Variants in TBC1D1 observed in about 807,000 individuals in gnomAD.
TBC1D1 encodes TBC1 domain family member 1.
In TBC1D1, 89 loss-of-function variants were observed where a neutral mutation model predicts 125.6. The observed-to-expected ratio is 0.71, with a 90% CI of 0.60 to 0.85. The LOEUF (loss-of-function observed/expected upper bound fraction) is 0.85, where lower values mean the gene tolerates loss of function less well. Among genes scored for constraint, TBC1D1 ranks in the 40% least tolerant of loss-of-function variants. TBC1D1 has a pLI of 0.00. For synonymous variants in TBC1D1, 565 were observed against 564.1 expected, an observed-to-expected ratio of 1.00 and a Z score of -0.02; for missense variants, 1,377 against 1,469.2, an observed-to-expected ratio of 0.94 and a Z score of 1.03.
At chr4:38,011,245 C>T (rs1741417319) in intron 2 of TBC1D1, among the ~76,000 whole-genome samples, 4 of 150,838 alleles carry the variant, frequency 2.7e-5, no homozygotes, top group African/African-American at 9.8e-5. Context: ...CCTAGCTACT[C>T]GGGAGGCTGA....
At chr4:37,899,647 G>T (rs562320542) in intron 1 of TBC1D1, among the ~76,000 whole-genome samples, 1 of 152,354 alleles carries the variant, frequency 6.6e-6, no homozygotes, top group African/African-American at 2.4e-5. Context: ...GAAGTCAGCT[G>T]CTGTCATCAG....
At chr4:38,096,441 GT>G (rs1759359989) in intron 14 of TBC1D1, among the ~76,000 whole-genome samples, 1 of 152,242 alleles carries the variant, frequency 6.6e-6, no homozygotes, top group Non-Finnish European at 1.5e-5. Flanking sequence ...ACAACATAGT[GT>G]GGGGAGCACA....
At chr4:38,005,071 C>T (rs921342075) in intron 2 of TBC1D1, among the ~76,000 whole-genome samples, 5 of 152,130 alleles carry the variant, frequency 3.3e-5, no homozygotes, top group African/African-American at 1.2e-4. Context: ...CAGCCGTAAC[C>T]GTCTTGCATC....
intron 18 of TBC1D1, among the ~76,000 whole-genome samples, chr4:38,125,644 G>C (rs933203836): frequency 1.3e-5 from 2 of 152,006 alleles, no homozygotes; most frequent in Non-Finnish European, 2.9e-5. Flanking sequence ...AATATCTGTG[G>C]CTTCATTACC....
intron 1 of TBC1D1, among the ~76,000 whole-genome samples, chr4:37,894,074 C>T (rs940718476): frequency 1.8e-4 from 28 of 151,576 alleles, no homozygotes; most frequent in Non-Finnish European, 2.9e-4. Context: ...CTGCAACCTC[C>T]GCCTCCTGGG....
intron 2 of TBC1D1, among the ~76,000 whole-genome samples, chr4:37,960,128 C>T (rs2890554): frequency 0.7 from 107,160 of 152,076 alleles, 38,082 homozygotes; most frequent in East Asian, 0.96. Context: ...TGGTTTTTGA[C>T]CATTTAACAA....
rs1290548693 is a variant in TBC1D1 at position 37,995,906 on chromosome 4, C to T, written c.418-18603C>T. ...CTTCTGGCTTAACCATGGCAAGCAG[C>T]GACAGGACCTTCTCATTCCCAGGGA... On this transcript the variant is annotated intron_variant, in intron 2 of 19. Transcript: ENST00000261439. This position sits in a 1 kb window ranked among gnomAD's most constrained non-coding sequence, Gnocchi z 4.3. 3.1e-5 allele frequency: 18 copies of T among 580,912 alleles called. 1 individual carries two copies. In the Middle Eastern group the frequency reaches 1.1e-3, roughly 35 times the overall value. The allele number at this position is 580,912 out of a possible 1,614,324, so 36.0% of individuals were successfully genotyped here.
chr4:38,072,429 G>A (rs1240373028), intron 12 of TBC1D1, among the ~76,000 whole-genome samples: 1 of 152,052 alleles, frequency 6.6e-6, no homozygotes, highest in African/African-American at 2.4e-5. Flanking sequence ...TGTTTTCTTG[G>A]TATGTCATGA....
intron 9 of TBC1D1, among the ~76,000 whole-genome samples, chr4:38,044,833 C>T (rs1749088486): frequency 6.6e-6 from 1 of 152,178 alleles, no homozygotes; most frequent in Non-Finnish European, 1.5e-5. Context: ...ACTTAAAAAA[C>T]AGTTACTGTC....
chr4:38,126,816 G>A (rs377239228), intron 18 of TBC1D1, among the ~76,000 whole-genome samples: 41 of 152,112 alleles, frequency 2.7e-4, no homozygotes, highest in African/African-American at 8.7e-4. Context: ...AAGTGGAAAG[G>A]TAGGGGTTCA....
At chr4:37,957,593 A>C (rs878872981) in intron 2 of TBC1D1, among the ~76,000 whole-genome samples, 1 of 152,202 alleles carries the variant, frequency 6.6e-6, no homozygotes, top group Non-Finnish European at 1.5e-5. Context: ...GCAACAGAGC[A>C]AGGTCCTATC....
intron 2 of TBC1D1, among the ~76,000 whole-genome samples, chr4:37,974,713 A>G (rs1732715213): frequency 1.3e-5 from 2 of 152,130 alleles, no homozygotes; most frequent in Admixed American, 1.3e-4. Context: ...GCATGCCATC[A>G]CGCCTGGCTA....
intron 2 of TBC1D1, among the ~76,000 whole-genome samples, chr4:38,011,830 C>G (rs1015736798): frequency 6.6e-6 from 1 of 152,140 alleles, no homozygotes. Flanking sequence ...CGATTGTGAC[C>G]AAGTTATGAG....
At chr4:38,128,670 T>A (rs538504131) in intron 18 of TBC1D1, among the ~76,000 whole-genome samples, 2 of 152,284 alleles carry the variant, frequency 1.3e-5, no homozygotes, top group South Asian at 4.2e-4. Flanking sequence ...GCTCTGGAGC[T>A]CTGGCTCAAT....
chr4:38,117,175 T>C (rs2152574730), intron 16 of TBC1D1, among the ~76,000 whole-genome samples: 1 of 152,356 alleles, frequency 6.6e-6, no homozygotes, highest in African/African-American at 2.4e-5. Context: ...CTGGTGCTTA[T>C]GGGATTATAT....
intron 2 of TBC1D1, among the ~76,000 whole-genome samples, chr4:38,007,951 C>T (rs28671304): frequency 0.024 from 3,685 of 152,292 alleles, 147 homozygotes; most frequent in African/African-American, 0.084. Context: ...GTTAGAACAG[C>T]CAGGGTAGGG....
Position 38,138,258 on chromosome 4 carries a change from T to C in TBC1D1, c.*923T>C, listed in dbSNP as rs569035681. ...TAGACCCTACCAGGTATTGCTAGCA[T>C]GTGAGCTGCAGTTGTGGGGTCTGAG... On this transcript the variant is annotated 3_prime_UTR_variant, in exon 20 of 20. Coordinates refer to ENST00000261439, the MANE Select transcript of TBC1D1 (RefSeq NM_015173.4). The C allele has an allele frequency of 1.3e-5, 2 of 152,326 alleles. No homozygotes were observed. Among genetic ancestry groups the C allele is most frequent in the East Asian group, 3.9e-4 (2 of 5,184 alleles). 9.4% of individuals were successfully genotyped at this position (152,326 alleles called of 1,614,324 possible).
chr4:37,931,579 G>A (rs1723267631), intron 2 of TBC1D1, among the ~76,000 whole-genome samples: 1 of 152,028 alleles, frequency 6.6e-6, no homozygotes, highest in African/African-American at 2.4e-5. Context: ...CCGGGTTCAA[G>A]CGATTCTCCT....
chr4:37,941,048 T>A (rs1269275108), intron 2 of TBC1D1, among the ~76,000 whole-genome samples: 1 of 152,228 alleles, frequency 6.6e-6, no homozygotes, highest in Admixed American at 6.5e-5. Context: ...AAAAATGAGT[T>A]AGGGAGGATT....
Sources: gnomAD v4.1 joint callset for allele counts (sites outside exome capture counted in the v4.1 genomes callset) on GRCh38, gnomAD v4.1.1 for gene constraint, Gnocchi (gnomAD v3.1) non-coding constraint, MANE v1.5 for transcripts, NCBI Gene and HGNC (gene_info 2026-07-23, HGNC 2026-07-21) for gene names.